DLGAP2: variants seen among roughly 807,000 people sequenced by gnomAD.
DLGAP2 encodes the protein disks large-associated protein 2.
A neutral mutation model predicts 100.3 loss-of-function variants in DLGAP2; 26 were observed. The ratio of observed to expected loss-of-function variants is 0.26; its 90% CI spans 0.19 to 0.36. DLGAP2 has a LOEUF of 0.36. Among genes scored for constraint, DLGAP2 ranks in the 10% least tolerant of loss-of-function variants. DLGAP2 has a pLI of 1.00. For missense variants in DLGAP2, 1,858 were observed against 1,453.2 expected (o/e 1.28, Z -4.53); for synonymous variants, 886 against 630.1 (o/e 1.41, Z -6.08).
At chr8:924,547 C>G (rs936410342) in intron 2 of DLGAP2, among the ~76,000 whole-genome samples, 5 of 151,896 alleles carry the variant, frequency 3.3e-5, no homozygotes, top group Non-Finnish European at 5.9e-5. Context: ...CTTCGGGAAG[C>G]TGGCACTGCA....
At chr8:980,120 G>A (rs934317613) in intron 2 of DLGAP2, among the ~76,000 whole-genome samples, 3 of 152,222 alleles carry the variant, frequency 2.0e-5, no homozygotes, top group South Asian at 2.1e-4. Context: ...CTGGGATTCC[G>A]GGAGTCAGGA....
chr8:1,352,762 G>C (rs1801764680), intron 3 of DLGAP2, among the ~76,000 whole-genome samples: 1 of 152,104 alleles, frequency 6.6e-6, no homozygotes, highest in South Asian at 2.1e-4. Flanking sequence ...CTGCCTTTCT[G>C]AGGTTGGTAC....
At chr8:1,227,165 TATATATATAG>T (rs1006219988) in intron 2 of DLGAP2, among the ~76,000 whole-genome samples, 5 of 138,138 alleles carry the variant, frequency 3.6e-5, no homozygotes, top group African/African-American at 5.8e-5. Flanking sequence ...TATATATATA[TATATATATAG>T]TATAGATATA....
chr8:947,731 C>T (rs932272975), intron 2 of DLGAP2, among the ~76,000 whole-genome samples: 10 of 152,230 alleles, frequency 6.6e-5, no homozygotes, highest in East Asian at 3.9e-4. Context: ...CTTCTCCATT[C>T]CCACCCGTCA....
chr8:770,639 G>A (rs1050092466), intron 1 of DLGAP2, among the ~76,000 whole-genome samples: 1 of 152,126 alleles, frequency 6.6e-6, no homozygotes, highest in African/African-American at 2.4e-5. Context: ...GGCCGAGGAA[G>A]ATTCGGTGGC....
intron 2 of DLGAP2, among the ~76,000 whole-genome samples, chr8:1,241,518 A>T (rs1261224203): frequency 6.6e-6 from 1 of 152,240 alleles, no homozygotes; most frequent in African/African-American, 2.4e-5. Flanking sequence ...TACGGGTAGT[A>T]GCCCTACAGA....
chr8:1,243,583 G>A (rs996927271), intron 2 of DLGAP2, among the ~76,000 whole-genome samples: 2 of 151,904 alleles, frequency 1.3e-5, no homozygotes, highest in African/African-American at 4.8e-5. Context: ...AATTCTTTAT[G>A]TTCTGGTTTC....
At chr8:1,082,804 T>C (rs1487519788) in intron 2 of DLGAP2, among the ~76,000 whole-genome samples, 1 of 152,228 alleles carries the variant, frequency 6.6e-6, no homozygotes, top group African/African-American at 2.4e-5. Context: ...TGGTGACTAA[T>C]TTGGTTTGGG....
chr8:1,504,782 G>A (rs1394977220), intron 4 of DLGAP2, among the ~76,000 whole-genome samples: 2 of 152,152 alleles, frequency 1.3e-5, no homozygotes, highest in African/African-American at 4.8e-5. Context: ...TCTGCTGATG[G>A]GCTTGAGGTT....
intron 3 of DLGAP2, among the ~76,000 whole-genome samples, chr8:1,453,489 G>A (rs952412171): frequency 5.9e-5 from 9 of 152,142 alleles, no homozygotes; most frequent in Admixed American, 1.3e-4. Context: ...GAGTGTTGGC[G>A]TGGCTGCATT....
At chr8:794,131 A>G (rs1304686184) in intron 1 of DLGAP2, among the ~76,000 whole-genome samples, 5 of 150,276 alleles carry the variant, frequency 3.3e-5, no homozygotes, top group Admixed American at 3.3e-4. Context: ...GTTGTAGATT[A>G]GATAAACTAC....
At position 1,671,370 on chromosome 8, in the gene DLGAP2, C is replaced by T. The variant is rs1798685806; in HGVS notation, c.2202+1586C>T. Among the ~76,000 whole-genome samples, 5 of 152,342 alleles carry T rather than the reference C, an allele frequency of 3.3e-5. No homozygotes were observed. The South Asian group carries it at 1.0e-3, about 32-fold the overall frequency. Reference sequence around the variant, plus strand: ...GGGACTGGCTTCCGGGACCTTTGGGCACAGTTTTGTCTGAGTGCAGATAGC... The same window carrying T: ...GGGACTGGCTTCCGGGACCTTTGGGTACAGTTTTGTCTGAGTGCAGATAGC... On this transcript the variant is annotated intron_variant, in intron 10 of 14. Coordinates refer to ENST00000637795, the MANE Select transcript of DLGAP2 (RefSeq NM_001346810.2).
chr8:938,335 T>G (rs1418549189), intron 2 of DLGAP2, among the ~76,000 whole-genome samples: 1 of 152,172 alleles, frequency 6.6e-6, no homozygotes, highest in Admixed American at 6.5e-5. Context: ...TAGCTAGGAC[T>G]ACAGGTATGC....
At chr8:1,362,021 C>T (rs781334295) in intron 3 of DLGAP2, among the ~76,000 whole-genome samples, 7 of 152,272 alleles carry the variant, frequency 4.6e-5, no homozygotes, top group South Asian at 4.1e-4. Context: ...TTCCGTGCTA[C>T]GGTGGCAAGT....
intron 1 of DLGAP2, chr8:740,466 C>T (rs1199900322): frequency 1.3e-5 from 2 of 152,190 alleles, no homozygotes; most frequent in African/African-American, 2.4e-5. Context: ...TATTTCTCCC[C>T]AGTGACATAC....
chr8:960,280 T>C (rs142346949), intron 2 of DLGAP2, among the ~76,000 whole-genome samples: 1 of 119,172 alleles, frequency 8.4e-6, no homozygotes, highest in African/African-American at 3.2e-5. Flanking sequence ...CTGTCGTCCA[T>C]GCTGGAGTGA....
intron 4 of DLGAP2, among the ~76,000 whole-genome samples, chr8:1,523,273 G>T (rs909053980): frequency 7.9e-5 from 12 of 152,234 alleles, no homozygotes; most frequent in African/African-American, 2.9e-4. Flanking sequence ...TCTGGCTTCT[G>T]CTGGGGCGCA....
At chr8:968,134 G>T (rs1311822220) in intron 2 of DLGAP2, among the ~76,000 whole-genome samples, 1 of 151,628 alleles carries the variant, frequency 6.6e-6, no homozygotes, top group Non-Finnish European at 1.5e-5. Flanking sequence ...GTGACTTCAG[G>T]CAGAGTCTGA....
At chr8:1,253,179 C>G (rs143214565) in intron 2 of DLGAP2, among the ~76,000 whole-genome samples, 3 of 152,354 alleles carry the variant, frequency 2.0e-5, no homozygotes, top group South Asian at 4.1e-4. Flanking sequence ...GTACCCATCC[C>G]CAGCAACGCT....
Sources: gnomAD v4.1 joint callset for allele counts (sites outside exome capture counted in the v4.1 genomes callset) on GRCh38, gnomAD v4.1.1 for gene constraint, MANE v1.5 for transcripts, NCBI Gene and HGNC (gene_info 2026-07-23, HGNC 2026-07-21) for gene names.